The following VWA5B1 variants were observed in gnomAD, a reference collection of about 807,000 sequenced individuals.
The protein encoded by VWA5B1 is von Willebrand factor A domain containing 5B1, also known as von Willebrand factor A domain-containing protein 5B1.
Under a neutral mutation model 118.2 loss-of-function variants are expected in VWA5B1, and 115 were observed. The observed-to-expected ratio is 0.97, with a 90% CI of 0.84 to 1.14. The LOEUF is 1.14. VWA5B1 is among the 50% of genes most tolerant of loss of function. VWA5B1 has a pLI of 0.00. For missense variants in VWA5B1, 1,596 were observed against 1,603.8 expected, an observed-to-expected ratio of 1.00 and a Z score of 0.08; for synonymous variants, 682 against 658.4, an observed-to-expected ratio of 1.04 and a Z score of -0.55.
At chr1:20,327,394 T>A (rs1359463408) in intron 8 of VWA5B1, among the ~76,000 whole-genome samples, 1 of 152,084 alleles carries the variant, frequency 6.6e-6, no homozygotes, top group Non-Finnish European at 1.5e-5. Context: ...GTGTCCTTAG[T>A]GATGGTTAGG....
At chr1:20,333,391 C>G (rs1003581467) in intron 12 of VWA5B1, among the ~76,000 whole-genome samples, 3 of 152,196 alleles carry the variant, frequency 2.0e-5, no homozygotes, top group African/African-American at 7.2e-5. Flanking sequence ...GCACGAGAAT[C>G]ACTTGAACTC....
chr1:20,340,540 G>A (rs548709240), intron 14 of VWA5B1, among the ~76,000 whole-genome samples: 137 of 152,276 alleles, frequency 9.0e-4, no homozygotes, highest in African/African-American at 3.2e-3. Flanking sequence ...TACTTGATAG[G>A]GATGGAAAAG....
chr1:20,324,645 T>C (rs1438617900), intron 8 of VWA5B1, among the ~76,000 whole-genome samples: 3 of 152,144 alleles, frequency 2.0e-5, no homozygotes, highest in Admixed American at 6.5e-5. Flanking sequence ...TGCCGTCACC[T>C]GAAATTTCAT....
Position 20,314,358 on chromosome 1 carries a change from A to G in VWA5B1, c.329A>G (p.His110Arg). The change falls in exon 4 of 22, where the codon CAT (histidine) becomes CGT (arginine). Residue 110 changes from histidine to arginine, a missense_variant. Physicochemically the swap from His to Arg is conservative, Grantham distance 29 (BLOSUM62 0). Coordinates refer to ENST00000289815, the MANE Select transcript of VWA5B1 (RefSeq NM_001039500.3). Reference protein sequence around the residue: ...ILQDGVSIAPHSCTPGKVTLD... With the variant: ...ILQDGVSIAPRSCTPGKVTLD... ...CAAGACGGGGTTTCCATAGCCCCTC[A>G]TTCCTGCACACCGGGAAAGGTGACC... The G allele has an allele frequency of 6.4e-7, 1 of 1,551,960 alleles. No individual in the cohort carries two copies. Among genetic ancestry groups the G allele is most frequent in the Admixed American group, 2.0e-5 (1 of 50,998 alleles).
rs745496998 is a variant in VWA5B1 at position 20,317,611 on chromosome 1, G to A, written c.645G>A (p.Val215=). The A allele has an allele frequency of 1.9e-5, 30 of 1,551,798 alleles. No homozygotes were observed. The Admixed American group carries it at 2.2e-4, about 11-fold the overall frequency. The change falls in exon 5 of 22, where the codon GTG becomes GTA. Residue 215 remains valine, a synonymous_variant. Coordinates refer to ENST00000289815, the MANE Select transcript of VWA5B1 (RefSeq NM_001039500.3). ...LCLATLLNTE[V]SNPMEYEFNF... ...TGGCGACTCTCCTGAACACCGAAGT[G>A]TCCAACCCCATGGAGTATGAGTTCA...
chr1:20,310,806 A>G (rs897030763), intron 2 of VWA5B1, 66 bp downstream of exon 2: 11 of 1,450,560 alleles, frequency 7.6e-6, no homozygotes, highest in Non-Finnish European at 1.0e-5. Flanking sequence ...CTGTTTTGAC[A>G]TTTACTCGCT....
intron 11 of VWA5B1, among the ~76,000 whole-genome samples, chr1:20,331,469 G>A (rs772696926): frequency 6.6e-6 from 1 of 152,234 alleles, no homozygotes; most frequent in Non-Finnish European, 1.5e-5. Flanking sequence ...GAGTGAAGAT[G>A]TTTATTGGGG....
intron 17 of VWA5B1, among the ~76,000 whole-genome samples, chr1:20,347,315 T>C (rs230186): frequency 0.31 from 47,640 of 152,192 alleles, 7,762 homozygotes; most frequent in East Asian, 0.39. Context: ...GGCTACAGTA[T>C]GCAGCTTCTC....
chr1:20,295,340 A>T (rs1225548156), intron 1 of VWA5B1, among the ~76,000 whole-genome samples: 7 of 152,146 alleles, frequency 4.6e-5, no homozygotes, highest in Non-Finnish European at 1.5e-5. Flanking sequence ...GCTGAATTTG[A>T]CGTGAGCAAG....
At chr1:20,308,716 A>C (rs1437005590) in intron 1 of VWA5B1, among the ~76,000 whole-genome samples, 1 of 152,234 alleles carries the variant, frequency 6.6e-6, no homozygotes, top group Middle Eastern at 3.4e-3. Flanking sequence ...ATAAGCCCAG[A>C]GCTGTCTGGG....
chr1:20,332,485 A>AAAAT (rs2089590001), intron 11 of VWA5B1, among the ~76,000 whole-genome samples: 1 of 57,916 alleles, frequency 1.7e-5, no homozygotes, highest in Non-Finnish European at 3.0e-5. Context: ...GTCTCAAAAT[A>AAAAT]AAATAAAATA....
chr1:20,301,665 A>C (rs2088507287), intron 1 of VWA5B1, among the ~76,000 whole-genome samples: 1 of 152,238 alleles, frequency 6.6e-6, no homozygotes, highest in Non-Finnish European at 1.5e-5. Context: ...CCCTCAGCAC[A>C]CGGGAAGCGG....
intron 2 of VWA5B1, among the ~76,000 whole-genome samples, chr1:20,312,182 G>A (rs1374203476): frequency 1.3e-5 from 2 of 152,310 alleles, no homozygotes; most frequent in East Asian, 1.9e-4. Context: ...AGGACGTCTG[G>A]CCCTACCCCA....
chr1:20,303,498 A>G (rs1227202194), intron 1 of VWA5B1: 1 of 152,398 alleles, frequency 6.6e-6, no homozygotes, highest in African/African-American at 2.4e-5. Context: ...GCAGAGGCCC[A>G]TGGGACCTTC....
intron 12 of VWA5B1, among the ~76,000 whole-genome samples, chr1:20,335,050 T>C (rs1195074441): frequency 1.3e-5 from 2 of 152,188 alleles, no homozygotes; most frequent in Non-Finnish European, 2.9e-5. Flanking sequence ...GGCTCACACC[T>C]GTAATCCCAG....
At chr1:20,309,055 C>G (rs2088760368) in intron 1 of VWA5B1, among the ~76,000 whole-genome samples, 1 of 152,162 alleles carries the variant, frequency 6.6e-6, no homozygotes, top group Non-Finnish European at 1.5e-5. Flanking sequence ...CATGTGATTA[C>G]TTGGGCGAGG....
At chr1:20,314,663 A>AG (rs767659424) in intron 4 of VWA5B1, 71 bp downstream of exon 4, 3 of 1,513,900 alleles carry the variant, frequency 2.0e-6, no homozygotes, top group Non-Finnish European at 8.9e-7. Flanking sequence ...TGACATTAGT[A>AG]GGGGACAGGG....
rs113171723 is a variant in VWA5B1 at position 20,325,916 on chromosome 1, G to A, written c.1144-1974G>A. Among the ~76,000 whole-genome samples, 1,370 of 152,226 alleles carry A rather than the reference G, an allele frequency of 9.0e-3. 9 individuals carry two copies. The highest frequency in any genetic ancestry group is 0.02 in the Middle Eastern group (6 of 294). ...AGGAAAATCTAGGCTCAGGGAGGAGGGAGAAAATAGAAATCCAAAGAGCTT... is the reference window on the plus strand; with the variant it reads ...AGGAAAATCTAGGCTCAGGGAGGAGAGAGAAAATAGAAATCCAAAGAGCTT... On this transcript the variant is annotated intron_variant, in intron 8 of 21. Coordinates refer to ENST00000289815, the MANE Select transcript of VWA5B1 (RefSeq NM_001039500.3).
At position 20,354,290 on chromosome 1, in the gene VWA5B1, G is replaced by A; in HGVS notation, c.*27G>A. ...TGAGTGACGGGGAGGCTGGGTGGAG[G>A]GAAGGGTGGGGAGGAGAGGGATGGG... On this transcript the variant is annotated 3_prime_UTR_variant, in exon 22 of 22. Transcript: ENST00000289815. 2.7e-6 allele frequency: 4 copies of A among 1,470,978 alleles called. No homozygotes were observed. Among genetic ancestry groups the A allele is most frequent in the Non-Finnish European group, 2.8e-6 (3 of 1,088,914 alleles). 91.1% of individuals were successfully genotyped at this position (1,470,978 alleles called of 1,614,324 possible).
Sources: gnomAD v4.1 joint callset for allele counts (sites outside exome capture counted in the v4.1 genomes callset) on GRCh38, gnomAD v4.1.1 for gene constraint, MANE v1.5 for transcripts, NCBI Gene and HGNC (gene_info 2026-07-23, HGNC 2026-07-21) for gene names.